STXBP5: variants seen among roughly 807,000 people sequenced by gnomAD.
STXBP5 encodes the protein syntaxin-binding protein 5.
STXBP5 carries 50 observed loss-of-function variants against 152.4 expected under a neutral mutation model. The observed-to-expected ratio is 0.33, with a 90% CI of 0.26 to 0.42. The LOEUF (loss-of-function observed/expected upper bound fraction) is 0.42. Ranked by LOEUF, STXBP5 falls within the 10% of genes least tolerant of loss-of-function variation. The probability of loss-of-function intolerance (pLI) is 1.00; values close to 1 mark genes in which losing one functional copy is unlikely to be tolerated. For synonymous variants in STXBP5, 492 were observed against 494.7 expected (o/e 0.99, Z 0.07); for missense variants, 1,167 against 1,388.6 (o/e 0.84, Z 2.54).
chr6:147,242,730 T>G (rs117826399), intron 4 of STXBP5, among the ~76,000 whole-genome samples: 5,393 of 152,272 alleles, frequency 0.035, 147 homozygotes, highest in Admixed American at 0.054. Flanking sequence ...AGGTGTGTAG[T>G]AGGCTATACC....
At chr6:147,355,798 G>A (rs1423008963) in intron 22 of STXBP5, among the ~76,000 whole-genome samples, 2 of 152,076 alleles carry the variant, frequency 1.3e-5, no homozygotes, top group African/African-American at 4.8e-5. Context: ...CTTGCTTAGT[G>A]TTAGTTATTT....
chr6:147,268,018 A>G (rs1779978463), intron 7 of STXBP5, among the ~76,000 whole-genome samples: 1 of 152,182 alleles, frequency 6.6e-6, no homozygotes, highest in African/African-American at 2.4e-5. Context: ...CAAAGGCAGG[A>G]TAAATATGTG....
At chr6:147,209,865 A>C (rs1023011134) in intron 2 of STXBP5, among the ~76,000 whole-genome samples, 3 of 152,204 alleles carry the variant, frequency 2.0e-5, no homozygotes, top group African/African-American at 7.2e-5. Flanking sequence ...AAAGGGAATT[A>C]TGCGAGTTTG....
intron 17 of STXBP5, among the ~76,000 whole-genome samples, chr6:147,325,739 C>T (rs1783216976): frequency 6.6e-6 from 1 of 152,098 alleles, no homozygotes; most frequent in South Asian, 2.1e-4. Context: ...TCATTGTCTC[C>T]TTGCTTGATG....
At chr6:147,264,113 C>T (rs540573589) in intron 6 of STXBP5, among the ~76,000 whole-genome samples, 53 of 151,346 alleles carry the variant, frequency 3.5e-4, no homozygotes, top group African/African-American at 1.3e-3. Context: ...TATTAGGGTG[C>T]TAGAATAAAC....
intron 7 of STXBP5, among the ~76,000 whole-genome samples, chr6:147,270,731 TTTC>T (rs1780124415): frequency 1.3e-5 from 2 of 152,150 alleles, no homozygotes; most frequent in Admixed American, 6.5e-5. Context: ...ATATAAAAAC[TTTC>T]TTATTTTCTA....
At chr6:147,303,775 A>G (rs953553151) in intron 9 of STXBP5, among the ~76,000 whole-genome samples, 1 of 152,200 alleles carries the variant, frequency 6.6e-6, no homozygotes, top group Non-Finnish European at 1.5e-5. Flanking sequence ...TGGACAGTGA[A>G]GTCCAGGCTG....
At chr6:147,351,161 A>C (rs2128406040) in intron 21 of STXBP5, among the ~76,000 whole-genome samples, 1 of 152,354 alleles carries the variant, frequency 6.6e-6, no homozygotes, top group Non-Finnish European at 1.5e-5. Context: ...GACCAGCAGC[A>C]TCAGCAGCTC....
chr6:147,344,228 C>T (rs937072691), intron 21 of STXBP5, among the ~76,000 whole-genome samples: 1 of 152,158 alleles, frequency 6.6e-6, no homozygotes, highest in African/African-American at 2.4e-5. Flanking sequence ...CCTGTACTTA[C>T]TGTATGTGTA....
chr6:147,237,969 A>C (rs1778361176), intron 3 of STXBP5, among the ~76,000 whole-genome samples: 1 of 152,180 alleles, frequency 6.6e-6, no homozygotes, highest in African/African-American at 2.4e-5. Context: ...AGATGTCTTA[A>C]TAAATCAGCT....
Position 147,344,991 on chromosome 6 carries a change from T to C in STXBP5, c.2254+5607T>C, listed in dbSNP as rs184030920. 1.8e-3 allele frequency among the ~76,000 whole-genome samples: 269 copies of C among 152,268 alleles called. 1 individual carries two copies. The highest frequency in any genetic ancestry group is 8.8e-3 in the Admixed American group (134 of 15,292). On this transcript the variant is annotated intron_variant, in intron 21 of 27. Coordinates refer to ENST00000321680, the MANE Select transcript of STXBP5 (RefSeq NM_001127715.4). Reference sequence around the variant, plus strand: ...GAAAAGAACTTGGTATAGTCAAGTGTTTACTAGACAAGTACTCATATCTTT... The same window carrying C: ...GAAAAGAACTTGGTATAGTCAAGTGCTTACTAGACAAGTACTCATATCTTT...
intron 18 of STXBP5, among the ~76,000 whole-genome samples, chr6:147,328,132 A>G (rs1257614410): frequency 2.0e-5 from 3 of 152,228 alleles, no homozygotes; most frequent in African/African-American, 7.2e-5. Context: ...CTCAAGGTAC[A>G]CATGTATACT....
At chr6:147,250,969 CAAAAAAAAAAAA>C (rs887963991) in intron 4 of STXBP5, among the ~76,000 whole-genome samples, 3 of 52,946 alleles carry the variant, frequency 5.7e-5, no homozygotes, top group African/African-American at 7.4e-5. Flanking sequence ...ACCTTGTCTC[CAAAAAAAAAAAA>C]AAAAAAAAAA....
chr6:147,360,429 T>C (rs1359704781), intron 23 of STXBP5, among the ~76,000 whole-genome samples: 1 of 152,198 alleles, frequency 6.6e-6, no homozygotes, highest in Non-Finnish European at 1.5e-5. Flanking sequence ...AAAGAATACA[T>C]AGAGCAAGAT....
Position 147,260,656 on chromosome 6 carries a change from A to G in STXBP5, c.473A>G (p.Tyr158Cys), listed in dbSNP as rs776892844. ...CTGCCTTTCCAGAGTAAGTGGCTCTATGTGGGCACTGAACGAGGTAATATA... is the reference window on the plus strand; with the variant it reads ...CTGCCTTTCCAGAGTAAGTGGCTCTGTGTGGGCACTGAACGAGGTAATATA... ...CHLPFQSKWL[Y>C]VGTERGNIHI... Residue 158 changes from tyrosine (Y) to cysteine (C), a missense_variant, in exon 5 of 28, where the codon TAT becomes TGT. Physicochemically the swap from Tyr to Cys is radical, Grantham distance 194. This residue lies in a region of STXBP5 where 310 missense variants were observed against 346.1 expected (regional missense o/e 0.90). Coordinates refer to ENST00000321680, the MANE Select transcript of STXBP5 (RefSeq NM_001127715.4). 9 of 1,613,772 alleles carry G rather than the reference A, an allele frequency of 5.6e-6. No homozygotes were observed. Among genetic ancestry groups the G allele is most frequent in the Admixed American group, 3.3e-5 (2 of 59,988 alleles).
At chr6:147,339,423 C>T in intron 21 of STXBP5, 39 bp downstream of exon 21, 1 of 1,427,340 alleles carries the variant, frequency 7.0e-7, no homozygotes, top group Non-Finnish European at 9.2e-7. Flanking sequence ...CTAATCCTTG[C>T]TATATGCAGT....
In STXBP5 at chr6:147,278,041, T is replaced by TA. The variant is rs746654485; in HGVS notation, c.715-37dup. The TA allele has an allele frequency of 1.9e-5, 29 of 1,561,162 alleles. No individual in the cohort carries two copies. The African/African-American group carries it at 3.6e-4, about 19-fold the overall frequency. On this transcript the variant is annotated intron_variant, in intron 7 of 27. Transcript: ENST00000321680. ...GATCATTTACAAATAGTTTACTGTT[T>TA]AAATAGATTTTTTAAATGGTATTTT...
rs555207867 is a variant in STXBP5, at chr6:147,218,891, A to G, written c.248+12823A>G. On this transcript the variant is annotated intron_variant, in intron 2 of 27. Coordinates refer to ENST00000321680, the MANE Select transcript of STXBP5 (RefSeq NM_001127715.4). ...TAGCTGCATAGTTGATCATGTTATC[A>G]ATGAACAAAGAAAGTTTTCTTTCTT... Among the ~76,000 whole-genome samples, 37 of 152,322 alleles carry G rather than the reference A, an allele frequency of 2.4e-4. No individual in the cohort carries two copies. In the East Asian group the frequency reaches 6.0e-3, roughly 25 times the overall value.
chr6:147,263,371 A>C (rs1302529834), intron 6 of STXBP5, among the ~76,000 whole-genome samples: 1 of 83,508 alleles, frequency 1.2e-5, no homozygotes, highest in Non-Finnish European at 2.6e-5. Context: ...TAAATTTTTT[A>C]ATTTTCCTAA....
Sources: allele counts gnomAD v4.1 joint callset (sites outside exome capture counted in the v4.1 genomes callset), GRCh38; gene constraint gnomAD v4.1.1; regional missense constraint gnomAD v4.1.1; transcripts MANE v1.5; gene names NCBI Gene and HGNC (gene_info 2026-07-23, HGNC 2026-07-21).